CACNA2D2: variants seen among roughly 807,000 people sequenced by gnomAD.
The protein encoded by CACNA2D2 is calcium voltage-gated channel auxiliary subunit alpha2delta 2.
CACNA2D2 carries 48 observed loss-of-function variants against 166.4 expected under a neutral mutation model. That is an observed-to-expected ratio of 0.29 (90% CI 0.23 to 0.37). The LOEUF (loss-of-function observed/expected upper bound fraction) is 0.37, where lower values mean the gene tolerates loss of function less well. CACNA2D2 is among the 10% of genes least tolerant of loss of function. The pLI is 1.00. For missense variants in CACNA2D2, 1,122 were observed against 1,433.0 expected (o/e 0.78, Z 3.50); for synonymous variants, 561 against 573.7 (o/e 0.98, Z 0.32).
Position 50,487,052 on chromosome 3 carries a change from A to G in CACNA2D2, c.207-10853T>C, listed in dbSNP as rs543181935. 7.9e-5 allele frequency among the ~76,000 whole-genome samples: 12 copies of G among 152,312 alleles called. No homozygotes were observed. In the East Asian group the frequency reaches 1.9e-3, roughly 25 times the overall value. ...ACCTCGGCCAGGCGCAGGCCAGTTC[A>G]TGCCCACTTCACGGATGAGCACTCT... On this transcript the variant is annotated intron_variant, in intron 1 of 37. Coordinates refer to ENST00000424201, the MANE Select transcript of CACNA2D2 (RefSeq NM_006030.4).
chr3:50,412,631 T>G (rs1575648898), intron 3 of CACNA2D2, among the ~76,000 whole-genome samples: 3 of 131,822 alleles, frequency 2.3e-5, no homozygotes, highest in South Asian at 2.3e-4. Context: ...AGGGAGAGGA[T>G]AGGGGTGGGG....
At chr3:50,369,766 C>T (rs1329771011) in intron 23 of CACNA2D2, among the ~76,000 whole-genome samples, 3 of 152,222 alleles carry the variant, frequency 2.0e-5, no homozygotes, top group Admixed American at 2.0e-4. Flanking sequence ...TGGGCTTGCT[C>T]GGGGCCCCGT....
chr3:50,465,010 G>C (rs903041284), intron 2 of CACNA2D2, among the ~76,000 whole-genome samples: 1 of 152,218 alleles, frequency 6.6e-6, no homozygotes, highest in African/African-American at 2.4e-5. Flanking sequence ...AATTTCCAAA[G>C]CACCTGTTCT....
At chr3:50,496,433 C>G (rs914275256) in intron 1 of CACNA2D2, among the ~76,000 whole-genome samples, 1 of 152,218 alleles carries the variant, frequency 6.6e-6, no homozygotes, top group African/African-American at 2.4e-5. Flanking sequence ...TAGACACGCC[C>G]ACATACAAGC....
intron 3 of CACNA2D2, among the ~76,000 whole-genome samples, chr3:50,414,547 G>C (rs1287712130): frequency 1.3e-5 from 2 of 151,928 alleles, no homozygotes; most frequent in African/African-American, 4.9e-5. Flanking sequence ...AGCAGATCCT[G>C]GGAGGGCAGT....
chr3:50,394,005 C>A, intron 4 of CACNA2D2, 104 bp downstream of exon 4: 1 of 979,978 alleles, frequency 1.0e-6, no homozygotes. Flanking sequence ...TCCACAGACC[C>A]CTCTGTGTCC....
intron 2 of CACNA2D2, among the ~76,000 whole-genome samples, chr3:50,450,209 TCA>T (rs1387554633): frequency 1.3e-5 from 2 of 152,136 alleles, no homozygotes; most frequent in Non-Finnish European, 1.5e-5. Flanking sequence ...GGGGCAGGAT[TCA>T]CACATTCTTT....
At chr3:50,466,767 G>T (rs1709843617) in intron 2 of CACNA2D2, among the ~76,000 whole-genome samples, 1 of 152,224 alleles carries the variant, frequency 6.6e-6, no homozygotes, top group Non-Finnish European at 1.5e-5. Context: ...TGGACTCCTG[G>T]AAAGCCTGGG....
chr3:50,462,571 C>T (rs1369941341), intron 2 of CACNA2D2, among the ~76,000 whole-genome samples: 3 of 152,182 alleles, frequency 2.0e-5, no homozygotes, highest in South Asian at 4.1e-4. Flanking sequence ...CAGTGAGCCT[C>T]ACCATATCAT....
intron 2 of CACNA2D2, among the ~76,000 whole-genome samples, chr3:50,474,572 G>T (rs760000887): frequency 1.3e-5 from 2 of 152,184 alleles, no homozygotes; most frequent in Admixed American, 6.5e-5. Context: ...TGAGTTGCCC[G>T]TGAATATAAA....
chr3:50,379,297 C>A lies in CACNA2D2; in HGVS notation c.1153-98G>T. 6.9e-7 allele frequency: 1 copy of A among 1,442,596 alleles called. No individual in the cohort carries two copies. Among genetic ancestry groups the A allele is most frequent in the Non-Finnish European group, 9.7e-7 (1 of 1,034,686 alleles). 89.4% of individuals were successfully genotyped at this position (1,442,596 alleles called of 1,614,324 possible). A position where few individuals can be genotyped will look rare whatever the true frequency, so the allele number is the denominator to read the frequency against. On this transcript the variant is annotated intron_variant, in intron 11 of 37. Transcript: ENST00000424201. The surrounding 1 kb of genome is among the most constrained non-coding windows in gnomAD (Gnocchi z 6.5). ...TGGGCCTGGACCTCTGGCCCTCCTC[C>A]CCCACAGCAGATGGAGCTATCTGTC...
At chr3:50,400,209 G>A (rs189034843) in intron 3 of CACNA2D2, among the ~76,000 whole-genome samples, 6 of 152,210 alleles carry the variant, frequency 3.9e-5, no homozygotes, top group African/African-American at 1.2e-4. Context: ...GCTCTGCCAG[G>A]GGGGAGCTGG....
At chr3:50,418,224 C>G (rs1390195363) in intron 3 of CACNA2D2, among the ~76,000 whole-genome samples, 3 of 152,198 alleles carry the variant, frequency 2.0e-5, no homozygotes, top group South Asian at 4.1e-4. Context: ...GAAGGACACA[C>G]AGTAGGTGCT....
intron 2 of CACNA2D2, among the ~76,000 whole-genome samples, chr3:50,471,179 G>GC (rs1157308147): frequency 2.0e-5 from 3 of 152,044 alleles, no homozygotes; most frequent in Non-Finnish European, 2.9e-5. Flanking sequence ...TGCGTGATGA[G>GC]CAAGTGCAGA....
chr3:50,383,247 C>A (rs985358437), intron 6 of CACNA2D2, among the ~76,000 whole-genome samples: 52 of 152,142 alleles, frequency 3.4e-4, no homozygotes, highest in Admixed American at 2.0e-4. Flanking sequence ...CCTTCCCCAC[C>A]CTGGCCTGAG....
intron 1 of CACNA2D2, among the ~76,000 whole-genome samples, chr3:50,490,899 C>T (rs1224389567): frequency 2.6e-5 from 4 of 152,132 alleles, no homozygotes; most frequent in Non-Finnish European, 5.9e-5. Context: ...AGGAGGTCAG[C>T]GAAGGTTTCA....
intron 2 of CACNA2D2, among the ~76,000 whole-genome samples, chr3:50,470,705 G>A (rs1036286877): frequency 2.0e-5 from 3 of 151,882 alleles, no homozygotes; most frequent in Non-Finnish European, 2.9e-5. Flanking sequence ...TACAGTGGGC[G>A]GGGGAGAAGG....
Position 50,366,241 on chromosome 3 carries a change from T to C in CACNA2D2, c.2709+26A>G. On this transcript the variant is annotated intron_variant, in intron 31 of 37. Transcript: ENST00000424201. This position sits in a 1 kb window ranked among gnomAD's most constrained non-coding sequence, Gnocchi z 5.9. The stretch of plus-strand genomic sequence containing the variant: ...TAGAAGGCTCAAATCCCTACTCTCT[T>C]CTTTCACTCTCTTCCTGATCCTCAC... 1 of 1,614,018 alleles carries C rather than the reference T, an allele frequency of 6.2e-7. No homozygotes were observed. Among genetic ancestry groups the C allele is most frequent in the African/African-American group, 1.3e-5 (1 of 75,036 alleles).
intron 2 of CACNA2D2, among the ~76,000 whole-genome samples, chr3:50,463,882 C>T (rs1709700573): frequency 1.3e-5 from 2 of 152,244 alleles, no homozygotes; most frequent in South Asian, 2.1e-4. Flanking sequence ...GACCTCATGC[C>T]AAGGGCAAGC....
Sources: gnomAD v4.1 joint callset for allele counts (sites outside exome capture counted in the v4.1 genomes callset) on GRCh38, gnomAD v4.1.1 for gene constraint, Gnocchi (gnomAD v3.1) non-coding constraint, MANE v1.5 for transcripts, NCBI Gene and HGNC (gene_info 2026-07-23, HGNC 2026-07-21) for gene names.